Variants in DAGLA observed in about 807,000 individuals in gnomAD.
DAGLA encodes diacylglycerol lipase-alpha.
Under a neutral mutation model 102.6 loss-of-function variants are expected in DAGLA, and 22 were observed. The observed-to-expected ratio is 0.21, with a 90% CI of 0.15 to 0.31. The LOEUF is 0.31. Ranked by LOEUF, DAGLA falls within the 10% of genes least tolerant of loss-of-function variation. DAGLA has a pLI of 1.00. For missense variants in DAGLA, 927 were observed against 1,446.6 expected, an observed-to-expected ratio of 0.64 and a Z score of 5.83; for synonymous variants, 578 against 628.9, an observed-to-expected ratio of 0.92 and a Z score of 1.21.
At chr11:61,693,748 G>C (rs1243159519) in intron 1 of DAGLA, among the ~76,000 whole-genome samples, 1 of 152,220 alleles carries the variant, frequency 6.6e-6, no homozygotes, top group Non-Finnish European at 1.5e-5. Context: ...GCAGCCAGGG[G>C]CAGCCCAGAC....
At chr11:61,682,033 T>C (rs2064946838) in intron 1 of DAGLA, among the ~76,000 whole-genome samples, 1 of 120,710 alleles carries the variant, frequency 8.3e-6, no homozygotes, top group African/African-American at 2.6e-5. Context: ...AAAGATGATG[T>C]TGAGGGTAGG....
At chr11:61,705,396 C>T (rs1190864986) in intron 1 of DAGLA, among the ~76,000 whole-genome samples, 2 of 152,190 alleles carry the variant, frequency 1.3e-5, no homozygotes, top group African/African-American at 2.4e-5. Context: ...CTGCTTTGGC[C>T]TCCTCTCTGC....
intron 9 of DAGLA, among the ~76,000 whole-genome samples, chr11:61,731,800 C>T (rs775958998): frequency 6.6e-6 from 1 of 152,210 alleles, no homozygotes; most frequent in Non-Finnish European, 1.5e-5. Context: ...TGCCTCCCCT[C>T]CCCTTCTGGC....
At position 61,735,721 on chromosome 11, in the gene DAGLA, G is replaced by A. The variant is rs368374571; in HGVS notation, c.1213-18G>A. ...GTCCTCTTTAGCCGCCCCCTCACCT[G>A]TCTCCTCTCTCCCCAAGGATGCCCT... On this transcript the variant is annotated intron_variant, in intron 11 of 19. Transcript: ENST00000257215. 1.8e-4 allele frequency: 298 copies of A among 1,613,128 alleles called. No homozygotes were observed. Among genetic ancestry groups the A allele is most frequent in the Non-Finnish European group, 2.4e-4 (286 of 1,179,588 alleles).
At chr11:61,740,373 G>A (rs562263991) in intron 17 of DAGLA, 90 bp from the exon 18 acceptor site, 5 of 1,511,618 alleles carry the variant, frequency 3.3e-6, no homozygotes, top group South Asian at 2.5e-5. Flanking sequence ...GCTCTGCTGA[G>A]CAGGGCAGAG....
rs190392389 is a variant in DAGLA, at chr11:61,690,749, A to T, written c.-45+10245A>T. Among the ~76,000 whole-genome samples, 199 of 152,192 alleles carry T rather than the reference A, an allele frequency of 1.3e-3. 1 individual carries two copies. Among genetic ancestry groups the T allele is most frequent in the African/African-American group, 4.6e-3 (193 of 41,532 alleles). ...GGTGTGCACATTCCCCTCACCTGGC[A>T]TGGGGTTTGGGGATTCTGTGAGCCA... On this transcript the variant is annotated intron_variant, in intron 1 of 19. Transcript: ENST00000257215.
intron 1 of DAGLA, among the ~76,000 whole-genome samples, chr11:61,708,342 A>G (rs1350067991): frequency 1.4e-5 from 2 of 147,708 alleles, no homozygotes; most frequent in East Asian, 4.1e-4. Context: ...TATGTCACCA[A>G]TCTCCTCCTC....
chr11:61,684,031 T>C lies in DAGLA; in HGVS notation c.-45+3527T>C, dbSNP rs2064965855. Reference sequence around the variant, plus strand: ...ATCACAGTGCCTGGCTGCTGTGCTTTAGGGGTGCCGGGGAGCCAGGCATCT... The same window carrying C: ...ATCACAGTGCCTGGCTGCTGTGCTTCAGGGGTGCCGGGGAGCCAGGCATCT... On this transcript the variant is annotated intron_variant, in intron 1 of 19. Transcript: ENST00000257215. This position sits in a 1 kb window ranked among gnomAD's most constrained non-coding sequence, Gnocchi z 4.5. Among the ~76,000 whole-genome samples the C allele has an allele frequency of 6.6e-6, 1 of 152,198 alleles. No individual in the cohort carries two copies. The highest frequency in any genetic ancestry group is 2.1e-4 in the South Asian group (1 of 4,826).
intron 1 of DAGLA, among the ~76,000 whole-genome samples, chr11:61,688,246 C>T (rs1371419942): frequency 2.8e-5 from 4 of 145,182 alleles, no homozygotes; most frequent in East Asian, 2.1e-4. Context: ...ATCCGGGAGG[C>T]GGAGCTTGCA....
At chr11:61,735,083 G>C (rs1591050809) in intron 10 of DAGLA, 81 bp downstream of exon 10, 1 of 1,510,380 alleles carries the variant, frequency 6.6e-7, no homozygotes, top group South Asian at 1.2e-5. Context: ...CTTCCAGGCC[G>C]GCAGGAGCCC....
intron 1 of DAGLA, among the ~76,000 whole-genome samples, chr11:61,705,526 C>T (rs2065141861): frequency 1.3e-5 from 2 of 152,258 alleles, no homozygotes; most frequent in South Asian, 4.1e-4. Context: ...GGTTGCTTCC[C>T]TCTGCTAGTC....
At chr11:61,737,792 G>T (rs1227874674) in intron 15 of DAGLA, 37 bp downstream of exon 15, 8 of 1,585,124 alleles carry the variant, frequency 5.0e-6, no homozygotes, top group African/African-American at 1.3e-5. Context: ...CCCTTGCCAG[G>T]CTGTTCCTCC....
chr11:61,743,991 C>T lies in DAGLA; in HGVS notation c.2631C>T (p.Asp877=), dbSNP rs373392668. Residue 877 remains aspartate (D), a synonymous_variant, in exon 20 of 20, where the codon GAC becomes GAT. Coordinates refer to ENST00000257215, the MANE Select transcript of DAGLA (RefSeq NM_006133.3). ...GGCCCCCCAGTGCTGCGGCCAATGA[C>T]GAGGAGGAAGAGGTTGGCGGTGGGG... ...PERPPSAAAN[D]EEEEVGGGGG... The T allele has an allele frequency of 3.8e-5, 61 of 1,611,888 alleles. No individual in the cohort carries two copies. The South Asian group carries it at 5.3e-4, about 14-fold the overall frequency.
intron 16 of DAGLA, 128 bp downstream of exon 16, chr11:61,738,335 GT>G: frequency 4.1e-6 from 3 of 738,602 alleles, no homozygotes; most frequent in Non-Finnish European, 6.6e-6. Flanking sequence ...TGTGGCTGGT[GT>G]TGTGGGAACT....
chr11:61,716,626 G>A (rs886362273), intron 1 of DAGLA, among the ~76,000 whole-genome samples: 7 of 152,286 alleles, frequency 4.6e-5, no homozygotes, highest in Middle Eastern at 3.4e-3. Context: ...AAGGGAATGC[G>A]TGGATTCAGA....
chr11:61,691,660 T>C (rs1484030302), intron 1 of DAGLA, among the ~76,000 whole-genome samples: 3 of 152,232 alleles, frequency 2.0e-5, no homozygotes, highest in Non-Finnish European at 2.9e-5. Flanking sequence ...TTTGGAGCAG[T>C]TGATTTGACC....
intron 5 of DAGLA, among the ~76,000 whole-genome samples, chr11:61,724,398 C>T (rs190103418): frequency 6.4e-4 from 98 of 152,290 alleles, no homozygotes; most frequent in Non-Finnish European, 1.5e-4. Context: ...TTGTGAACCC[C>T]GGCATGGTTG....
chr11:61,737,984 C>G, intron 15 of DAGLA, 151 bp from the exon 16 acceptor site: 1 of 703,274 alleles, frequency 1.4e-6, no homozygotes, highest in Non-Finnish European at 2.4e-6. Flanking sequence ...TGGGGAGCTG[C>G]TCTGTGGACA....
At chr11:61,724,002 G>A (rs890555713) in intron 5 of DAGLA, among the ~76,000 whole-genome samples, 1 of 152,318 alleles carries the variant, frequency 6.6e-6, no homozygotes, top group South Asian at 2.1e-4. Context: ...ACAGAGAGAT[G>A]ATGGGACTTG....
Sources: allele counts gnomAD v4.1 joint callset (sites outside exome capture counted in the v4.1 genomes callset), GRCh38; gene constraint gnomAD v4.1.1; non-coding constraint Gnocchi (gnomAD v3.1); transcripts MANE v1.5; gene names NCBI Gene and HGNC (gene_info 2026-07-23, HGNC 2026-07-21).